The following LINGO2 variants were observed in gnomAD, a reference collection of about 807,000 sequenced individuals.
LINGO2 encodes the protein leucine-rich repeat and immunoglobulin-like domain-containing nogo receptor-interacting protein 2.
In LINGO2, 14 loss-of-function variants were observed where a neutral mutation model predicts 30.6. That is an observed-to-expected ratio of 0.46 (90% CI 0.30 to 0.72). The LOEUF (loss-of-function observed/expected upper bound fraction) is 0.72, where lower values mean the gene tolerates loss of function less well. Among genes scored for constraint, LINGO2 ranks in the 30% least tolerant of loss-of-function variants. The pLI, the probability that LINGO2 is intolerant of heterozygous loss-of-function variation, is 0.07. For missense variants in LINGO2, 729 were observed against 751.7 expected (o/e 0.97, Z 0.35); for synonymous variants, 317 against 288.5 (o/e 1.10, Z -1.00).
rs1827911585 is a variant in LINGO2 at position 28,149,256 on chromosome 9, C to A, written c.-86-136851G>T. 2.7e-5 allele frequency: 19 copies of A among 704,098 alleles called. No individual in the cohort carries two copies. In the South Asian group the frequency reaches 3.5e-4, roughly 13 times the overall value. 43.6% of individuals were successfully genotyped at this position (704,098 alleles called of 1,614,324 possible). ...CTGTAATCAAGCACTTTGGGAGGCC[C>A]AGGCGGGCGGATCAGGAGGTCAAGA... is the stretch of plus-strand genomic sequence containing the variant. On this transcript the variant is annotated intron_variant, in intron 4 of 5. Coordinates refer to ENST00000379992, the Ensembl canonical transcript of LINGO2.
At chr9:28,269,590 C>A (rs558876026) in intron 4 of LINGO2, among the ~76,000 whole-genome samples, 4 of 152,148 alleles carry the variant, frequency 2.6e-5, no homozygotes, top group South Asian at 4.2e-4. Context: ...TATACTATGA[C>A]CTTAAGTTTC....
In LINGO2 at chr9:28,159,866, C is replaced by CT. The variant is rs562909990; in HGVS notation, c.-87+135341dup. Among the ~76,000 whole-genome samples the CT allele has an allele frequency of 2.1e-3, 312 of 152,188 alleles. 3 individuals carry two copies. The Middle Eastern group carries it at 0.061, about 30-fold the overall frequency. On this transcript the variant is annotated intron_variant, in intron 4 of 5. Transcript: ENST00000379992. ...CCTTTGCCTTCTCTTATAAGGCAAC[C>CT]TATTACCCACAGGTAGAGAGTAATT...
chr9:28,545,180 G>C (rs923808587), intron 1 of LINGO2, among the ~76,000 whole-genome samples: 1 of 151,990 alleles, frequency 6.6e-6, no homozygotes, highest in Non-Finnish European at 1.5e-5. Flanking sequence ...ATTGTATAAA[G>C]GGACCGATAA....
chr9:28,256,568 A>C (rs939984275), intron 4 of LINGO2, among the ~76,000 whole-genome samples: 2 of 151,986 alleles, frequency 1.3e-5, no homozygotes, highest in Non-Finnish European at 2.9e-5. Flanking sequence ...AAGAAAGATA[A>C]TGTGGTAAGA....
chr9:28,310,954 TCAA>T (rs1824591205), intron 3 of LINGO2, among the ~76,000 whole-genome samples: 1 of 152,154 alleles, frequency 6.6e-6, no homozygotes. Flanking sequence ...TTAATAAAGT[TCAA>T]CAATACTAAT....
chr9:28,668,057 A>T (rs755858333), intron 1 of LINGO2, among the ~76,000 whole-genome samples: 14 of 149,364 alleles, frequency 9.4e-5, no homozygotes, highest in Non-Finnish European at 1.5e-4. Flanking sequence ...CTTAACTAAT[A>T]TCATGGATTT....
chr9:29,027,740 C>A, the LINGO2 span, among the ~76,000 whole-genome samples: 3 of 152,124 alleles, frequency 2.0e-5, no homozygotes, highest in African/African-American at 7.2e-5. Context: ...AGGAAATAAG[C>A]TTTTATGTCA....
At chr9:29,061,331 A>T in the LINGO2 span, among the ~76,000 whole-genome samples, 1 of 152,006 alleles carries the variant, frequency 6.6e-6, no homozygotes, top group East Asian at 1.9e-4. Context: ...TGCAGAAAAA[A>T]ATTATATTCT....
At chr9:28,513,687 A>T (rs1027714935) in intron 1 of LINGO2, among the ~76,000 whole-genome samples, 2 of 152,234 alleles carry the variant, frequency 1.3e-5, no homozygotes, top group African/African-American at 4.8e-5. Flanking sequence ...TTGTTCTATA[A>T]AATTAACATA....
intron 2 of LINGO2, among the ~76,000 whole-genome samples, chr9:28,399,923 A>T (rs1482125305): frequency 6.6e-6 from 1 of 152,222 alleles, no homozygotes; most frequent in Non-Finnish European, 1.5e-5. Flanking sequence ...CAATATAAAT[A>T]ATTACTTAAC....
Position 28,147,633 on chromosome 9 carries a change from C to A in LINGO2, c.-86-135228G>T, listed in dbSNP as rs1827850948. The stretch of plus-strand genomic sequence containing the variant: ...CAGGGCCACTGGGTGCCAGCCAGCA[C>A]CTGGGCGAGGTGCCAGGTGGAAGGG... On this transcript the variant is annotated intron_variant, in intron 4 of 5. Coordinates refer to ENST00000379992, the Ensembl canonical transcript of LINGO2. The surrounding 1 kb of genome is among the most constrained non-coding windows in gnomAD (Gnocchi z 4.7). Among the ~76,000 whole-genome samples the A allele has an allele frequency of 6.6e-6, 1 of 152,136 alleles. No homozygotes were observed. Among genetic ancestry groups the A allele is most frequent in the Admixed American group, 6.5e-5 (1 of 15,280 alleles).
chr9:28,189,099 G>A (rs2133755296), intron 4 of LINGO2, among the ~76,000 whole-genome samples: 1 of 152,036 alleles, frequency 6.6e-6, no homozygotes, highest in Non-Finnish European at 1.5e-5. Context: ...TAGGTACAGG[G>A]CTATCCTGCA....
At chr9:28,144,227 A>G (rs1563999819) in intron 4 of LINGO2, among the ~76,000 whole-genome samples, 1 of 152,162 alleles carries the variant, frequency 6.6e-6, no homozygotes, top group Non-Finnish European at 1.5e-5. Context: ...TTGGGGGTAA[A>G]TGGCATATAT....
At chr9:28,782,715 A>C in the LINGO2 span, among the ~76,000 whole-genome samples, 1 of 152,222 alleles carries the variant, frequency 6.6e-6, no homozygotes, top group African/African-American at 2.4e-5. Context: ...TCCTAGCATC[A>C]TGGGAATTAA....
the LINGO2 span, among the ~76,000 whole-genome samples, chr9:29,039,916 G>A: frequency 6.6e-6 from 1 of 152,100 alleles, no homozygotes; most frequent in South Asian, 2.1e-4. Context: ...CATTTCAACT[G>A]ATATCTAGGC....
the LINGO2 span, among the ~76,000 whole-genome samples, chr9:29,189,138 CG>C: frequency 5.2e-4 from 68 of 131,714 alleles, no homozygotes; most frequent in African/African-American, 1.8e-3. Flanking sequence ...GCTGGCCGGG[CG>C]GGGGGCTGAC....
chr9:28,364,887 T>A (rs1820598083), intron 3 of LINGO2, among the ~76,000 whole-genome samples: 1 of 152,210 alleles, frequency 6.6e-6, no homozygotes, highest in African/African-American at 2.4e-5. Context: ...ATTCACATAT[T>A]TATTTCATTC....
chr9:29,163,236 A>C, the LINGO2 span, among the ~76,000 whole-genome samples: 1 of 152,184 alleles, frequency 6.6e-6, no homozygotes, highest in Non-Finnish European at 1.5e-5. Context: ...ACTGAAATCA[A>C]TACTGACATC....
At chr9:29,116,533 A>C in the LINGO2 span, among the ~76,000 whole-genome samples, 1 of 152,102 alleles carries the variant, frequency 6.6e-6, no homozygotes, top group Non-Finnish European at 1.5e-5. Flanking sequence ...GGGCTGAGAA[A>C]AGACTCATCT....
Sources: gnomAD v4.1 joint callset for allele counts (sites outside exome capture counted in the v4.1 genomes callset) on GRCh38, gnomAD v4.1.1 for gene constraint, Gnocchi (gnomAD v3.1) non-coding constraint, MANE v1.5 for transcripts, NCBI Gene and HGNC (gene_info 2026-07-23, HGNC 2026-07-21) for gene names.